UNC79: variants seen among roughly 807,000 people sequenced by gnomAD.
The protein encoded by UNC79 is protein unc-79 homolog.
In UNC79, 37 loss-of-function variants were observed where a neutral mutation model predicts 283.1. The observed-to-expected ratio is 0.13, with a 90% CI of 0.10 to 0.17. The LOEUF (loss-of-function observed/expected upper bound fraction) is 0.17, where lower values mean the gene tolerates loss of function less well. UNC79 is among the 10% of genes least tolerant of loss of function. The probability of loss-of-function intolerance (pLI) is 1.00; values close to 1 mark genes in which losing one functional copy is unlikely to be tolerated. For synonymous variants in UNC79, 1,107 were observed against 1,200.2 expected (o/e 0.92, Z 1.61); for missense variants, 2,272 against 3,211.1 (o/e 0.71, Z 7.07).
chr14:93,388,129 C>G (rs1369470775), intron 1 of UNC79, among the ~76,000 whole-genome samples: 1 of 146,618 alleles, frequency 6.8e-6, no homozygotes, highest in African/African-American at 2.5e-5. Context: ...TTTTTTTTTT[C>G]GAGTTGGAGT....
At chr14:93,680,864 A>G (rs1208700174) in intron 41 of UNC79, among the ~76,000 whole-genome samples, 1 of 152,170 alleles carries the variant, frequency 6.6e-6, no homozygotes, top group African/African-American at 2.4e-5. Flanking sequence ...TGCAATCTCT[A>G]CCAGGAGACT....
intron 14 of UNC79, among the ~76,000 whole-genome samples, chr14:93,558,952 A>G (rs1422343280): frequency 6.6e-6 from 1 of 152,222 alleles, no homozygotes; most frequent in Non-Finnish European, 1.5e-5. Context: ...AAAATGGATC[A>G]GGATGTGAGT....
At chr14:93,548,361 AC>A (rs2061707746) in intron 14 of UNC79, among the ~76,000 whole-genome samples, 1 of 152,176 alleles carries the variant, frequency 6.6e-6, no homozygotes, top group South Asian at 2.1e-4. Flanking sequence ...CCACCTTCTA[AC>A]ATCATCACAT....
chr14:93,481,065 A>G (rs1191823958), intron 4 of UNC79, among the ~76,000 whole-genome samples: 3 of 152,162 alleles, frequency 2.0e-5, no homozygotes, highest in Non-Finnish European at 4.4e-5. Flanking sequence ...CAGCATGTAT[A>G]TCAGAGATTT....
intron 30 of UNC79, among the ~76,000 whole-genome samples, chr14:93,626,864 A>G (rs188124752): frequency 3.2e-4 from 48 of 152,170 alleles, no homozygotes; most frequent in Admixed American, 1.4e-3. Flanking sequence ...ACTATCTCCA[A>G]TTTTCTTCCA....
At chr14:93,702,769 G>A (rs2075622601) in intron 47 of UNC79, among the ~76,000 whole-genome samples, 1 of 152,180 alleles carries the variant, frequency 6.6e-6, no homozygotes, top group African/African-American at 2.4e-5. Flanking sequence ...ACTTGAAAGA[G>A]CAGACTCATC....
At chr14:93,679,912 A>G (rs1225816951) in intron 41 of UNC79, among the ~76,000 whole-genome samples, 3 of 152,180 alleles carry the variant, frequency 2.0e-5, no homozygotes, top group Non-Finnish European at 2.9e-5. Flanking sequence ...GCTCTATAAC[A>G]TCATAATAGA....
rs1341954497 is a variant in UNC79 at position 93,673,631 on chromosome 14, TA to T, written c.6741+182del. On this transcript the variant is annotated intron_variant, in intron 41 of 48. Transcript: ENST00000555664. The stretch of plus-strand genomic sequence containing the variant: ...GTATGCACCTGACGCTTCCACTGGC[TA>T]AAAAAGTCCAAGAAGGAGTATTGAT... Among the ~76,000 whole-genome samples the T allele has an allele frequency of 7.2e-5, 11 of 152,196 alleles. No homozygotes were observed. The East Asian group carries it at 1.9e-3, about 27-fold the overall frequency.
chr14:93,669,566 A>C (rs918935354), intron 40 of UNC79, among the ~76,000 whole-genome samples: 3 of 152,186 alleles, frequency 2.0e-5, no homozygotes, highest in African/African-American at 7.2e-5. Context: ...ACTTTCCTTC[A>C]TGTGGACACA....
intron 27 of UNC79, among the ~76,000 whole-genome samples, chr14:93,615,282 A>C (rs1286225194): frequency 2.6e-5 from 4 of 152,190 alleles, no homozygotes; most frequent in Admixed American, 2.6e-4. Flanking sequence ...ACGTGAGAGC[A>C]ATGTGCGTGT....
At chr14:93,587,242 A>G (rs937374123) in intron 22 of UNC79, among the ~76,000 whole-genome samples, 2 of 152,202 alleles carry the variant, frequency 1.3e-5, no homozygotes, top group African/African-American at 4.8e-5. Context: ...ATAATTAAGT[A>G]AGGACTTACC....
chr14:93,496,913 A>C (rs1224690276), intron 6 of UNC79, among the ~76,000 whole-genome samples: 1 of 152,228 alleles, frequency 6.6e-6, no homozygotes, highest in Non-Finnish European at 1.5e-5. Context: ...ATTTGTTAGA[A>C]GATAAAGTAC....
intron 1 of UNC79, among the ~76,000 whole-genome samples, chr14:93,388,038 T>C (rs1251102745): frequency 6.6e-6 from 1 of 152,202 alleles, no homozygotes; most frequent in African/African-American, 2.4e-5. Context: ...TGTTTAAGTA[T>C]AGCTACCTCG....
chr14:93,564,822 A>G (rs1044854699), intron 14 of UNC79, among the ~76,000 whole-genome samples: 1 of 152,136 alleles, frequency 6.6e-6, no homozygotes, highest in African/African-American at 2.4e-5. Flanking sequence ...GAGCCAGGAG[A>G]AGGAATTTCA....
In UNC79 at chr14:93,441,454, C is replaced by T. The variant is rs1030055899; in HGVS notation, c.22+10403C>T. ...TTGATATGATTAATATGTTTGGCCTCAGTTCTATCATATTATTTTATTTTT... is the reference window on the plus strand; with the variant it reads ...TTGATATGATTAATATGTTTGGCCTTAGTTCTATCATATTATTTTATTTTT... On this transcript the variant is annotated intron_variant, in intron 1 of 48. Transcript: ENST00000555664. 1.1e-4 allele frequency among the ~76,000 whole-genome samples: 16 copies of T among 152,056 alleles called. No homozygotes were observed. In the East Asian group the frequency reaches 3.1e-3, roughly 29 times the overall value.
intron 4 of UNC79, among the ~76,000 whole-genome samples, chr14:93,479,862 A>G (rs10147003): frequency 0.94 from 142,900 of 152,210 alleles, 67,309 homozygotes; most frequent in Non-Finnish European, 0.98. Flanking sequence ...TGGAATTCCC[A>G]GCCTCAAGTG....
At chr14:93,705,553 C>A (rs1375191464) in intron 48 of UNC79, among the ~76,000 whole-genome samples, 1 of 152,122 alleles carries the variant, frequency 6.6e-6, no homozygotes, top group East Asian at 1.9e-4. Flanking sequence ...AAATTTAGGA[C>A]CAAAAGGAAG....
intron 7 of UNC79, among the ~76,000 whole-genome samples, chr14:93,523,398 G>A (rs2060413078): frequency 6.6e-6 from 1 of 152,132 alleles, no homozygotes; most frequent in Non-Finnish European, 1.5e-5. Flanking sequence ...CAGTCTCCAT[G>A]TTTGTTGGGG....
intron 40 of UNC79, among the ~76,000 whole-genome samples, chr14:93,666,865 A>G (rs2072259219): frequency 6.6e-6 from 1 of 152,202 alleles, no homozygotes; most frequent in African/African-American, 2.4e-5. Context: ...AGGAAGCAGT[A>G]AAGATAATAG....
Sources: allele counts gnomAD v4.1 joint callset (sites outside exome capture counted in the v4.1 genomes callset), GRCh38; gene constraint gnomAD v4.1.1; transcripts MANE v1.5; gene names NCBI Gene and HGNC (gene_info 2026-07-23, HGNC 2026-07-21).